CDH10: variants seen among roughly 807,000 people sequenced by gnomAD.
CDH10 encodes cadherin-10.
CDH10 carries 30 observed loss-of-function variants against 73.1 expected under a neutral mutation model. That is an observed-to-expected ratio of 0.41 (90% CI 0.31 to 0.56). CDH10 has a LOEUF of 0.56. Among genes scored for constraint, CDH10 ranks in the 20% least tolerant of loss-of-function variants. The probability of loss-of-function intolerance (pLI) is 0.27; values close to 1 mark genes in which losing one functional copy is unlikely to be tolerated. For missense variants in CDH10, 815 were observed against 973.7 expected (o/e 0.84, Z 2.17); for synonymous variants, 345 against 348.2 (o/e 0.99, Z 0.10).
Position 24,505,243 on chromosome 5 carries a change from G to T in CDH10, c.1262C>A (p.Ser421Tyr). ...PDSISSPIRF[S>Y]LDRHTDLDRI... ...GTCAAGGTCAGTATGGCGATCCAAG[G>T]AAAATCTGAACATGGAGGGCAAGAA... Residue 421 changes from serine (S) to tyrosine (Y), a missense_variant, in exon 8 of 12, where the codon TCC becomes TAC. Ser to Tyr is a moderately radical substitution (Grantham distance 144). Transcript: ENST00000264463. 1 of 1,612,606 alleles carries T rather than the reference G, an allele frequency of 6.2e-7. No homozygotes were observed. Among genetic ancestry groups the T allele is most frequent in the Non-Finnish European group, 8.5e-7 (1 of 1,179,204 alleles).
chr5:24,542,716 G>C (rs1476397409), intron 2 of CDH10, among the ~76,000 whole-genome samples: 6 of 152,188 alleles, frequency 3.9e-5, no homozygotes, highest in Non-Finnish European at 8.8e-5. Flanking sequence ...GGAAGTCCAA[G>C]ACCAAGGTGC....
chr5:24,627,346 A>G (rs1362078330), intron 1 of CDH10, among the ~76,000 whole-genome samples: 1 of 152,154 alleles, frequency 6.6e-6, no homozygotes, highest in Non-Finnish European at 1.5e-5. Context: ...AAATGCTTAA[A>G]TCCTACTTAA....
intron 2 of CDH10, among the ~76,000 whole-genome samples, chr5:24,547,709 T>C (rs2111937106): frequency 6.6e-6 from 1 of 152,078 alleles, no homozygotes; most frequent in African/African-American, 2.4e-5. Context: ...AGTAAAGAGG[T>C]GAAAGTTGGA....
intron 1 of CDH10, among the ~76,000 whole-genome samples, chr5:24,637,003 T>C (rs1366825713): frequency 6.6e-6 from 1 of 152,038 alleles, no homozygotes; most frequent in Non-Finnish European, 1.5e-5. Context: ...TTTTCTTTAA[T>C]GATATGGTAT....
intron 1 of CDH10, among the ~76,000 whole-genome samples, chr5:24,616,330 C>T (rs957478150): frequency 6.6e-6 from 1 of 151,906 alleles, no homozygotes; most frequent in Non-Finnish European, 1.5e-5. Context: ...TTTTCCGCAA[C>T]GAATTTGGAT....
rs528400877 is a variant in CDH10 at position 24,575,669 on chromosome 5, G to A, written c.231+17591C>T. ...AATAAATATAAATGAACAAACATAC[G>A]TTCACTTAAATGTAAGGAGTGCCTG... On this transcript the variant is annotated intron_variant, in intron 2 of 11. Transcript: ENST00000264463. Among the ~76,000 whole-genome samples the A allele has an allele frequency of 4.5e-4, 69 of 152,088 alleles. No homozygotes were observed. In the South Asian group the frequency reaches 8.9e-3, roughly 20 times the overall value.
At chr5:24,571,348 A>G (rs977680705) in intron 2 of CDH10, among the ~76,000 whole-genome samples, 3 of 152,150 alleles carry the variant, frequency 2.0e-5, no homozygotes, top group Admixed American at 6.5e-5. Context: ...GACAACTTCA[A>G]TTAAGCTAAG....
At chr5:24,538,191 T>C (rs945962924) in intron 2 of CDH10, among the ~76,000 whole-genome samples, 1 of 152,098 alleles carries the variant, frequency 6.6e-6, no homozygotes, top group Non-Finnish European at 1.5e-5. Flanking sequence ...ACAACATACA[T>C]TATTTTTTGG....
rs1333805864 is a variant in CDH10, at chr5:24,487,443, T to C, written c.*220A>G. 8.3e-6 allele frequency: 4 copies of C among 480,742 alleles called. No homozygotes were observed. The highest frequency in any genetic ancestry group is 1.1e-5 in the Non-Finnish European group (3 of 269,530). 29.8% of individuals were successfully genotyped at this position (480,742 alleles called of 1,614,324 possible). ...TAAGATGGACAACACTGTATTTCCA[T>C]AGCTTTGGCTCTTGGAAGTGATTAA... is the stretch of plus-strand genomic sequence containing the variant. On this transcript the variant is annotated 3_prime_UTR_variant, in exon 12 of 12. Transcript: ENST00000264463.
rs70965605 is a variant in CDH10, at chr5:24,504,506, C to CTTTTT, written c.1393+601_1393+605dup. Among the ~76,000 whole-genome samples, 14 of 65,154 alleles carry CTTTTT rather than the reference C, an allele frequency of 2.1e-4. 2 individuals are homozygous for CTTTTT. The highest frequency in any genetic ancestry group is 5.4e-4 in the East Asian group (1 of 1,838). The allele number at this position is 65,154 out of a possible 152,430, so 42.7% of individuals were successfully genotyped here. Reference sequence around the variant, plus strand: ...TATTAAATGCTTTTCTCCTATTAATCTTTTTTTTTTTTTTTTTTTTTTTTT... The same window carrying CTTTTT: ...TATTAAATGCTTTTCTCCTATTAATCTTTTTTTTTTTTTTTTTTTTTTTTTTTTTT... On this transcript the variant is annotated intron_variant, in intron 8 of 11. Transcript: ENST00000264463.
intron 5 of CDH10, among the ~76,000 whole-genome samples, chr5:24,513,000 TTTCTTTTC>T (rs951261893): frequency 2.9e-4 from 12 of 41,022 alleles, no homozygotes; most frequent in Admixed American, 5.7e-4. Context: ...CTCTCTTTCT[TTTCTTTTC>T]TTTTCTTTCT....
chr5:24,580,297 C>T (rs10942058), intron 2 of CDH10, among the ~76,000 whole-genome samples: 57,651 of 151,804 alleles, frequency 0.38, 13,314 homozygotes, highest in East Asian at 0.54. Flanking sequence ...CAAGATATTT[C>T]CCTGTTAAAT....
intron 2 of CDH10, among the ~76,000 whole-genome samples, chr5:24,545,956 A>G (rs1047825947): frequency 3.9e-5 from 6 of 152,174 alleles, no homozygotes; most frequent in East Asian, 1.9e-4. Flanking sequence ...CTGTGCCTCT[A>G]AGCCTTCTAA....
intron 1 of CDH10, among the ~76,000 whole-genome samples, chr5:24,636,571 G>A (rs1325476315): frequency 4.6e-5 from 7 of 151,936 alleles, no homozygotes; most frequent in African/African-American, 1.4e-4. Flanking sequence ...TTAGGAATAA[G>A]GAAGCTCCTG....
chr5:24,512,650 AT>A (rs1742962203), intron 5 of CDH10, among the ~76,000 whole-genome samples: 1 of 152,112 alleles, frequency 6.6e-6, no homozygotes, highest in Non-Finnish European at 1.5e-5. Flanking sequence ...ACAAAAATTT[AT>A]GTTTTTGGTG....
At chr5:24,541,652 T>A (rs1419588273) in intron 2 of CDH10, among the ~76,000 whole-genome samples, 1 of 152,122 alleles carries the variant, frequency 6.6e-6, no homozygotes, top group East Asian at 1.9e-4. Flanking sequence ...GACATTAAGT[T>A]TTCTTTAAAC....
chr5:24,501,427 G>A (rs1200761505), intron 8 of CDH10, among the ~76,000 whole-genome samples: 4 of 152,108 alleles, frequency 2.6e-5, no homozygotes, highest in African/African-American at 4.8e-5. Flanking sequence ...AGATGCTGTC[G>A]CTTATGTATA....
intron 2 of CDH10, among the ~76,000 whole-genome samples, chr5:24,541,165 T>C (rs1485224679): frequency 1.3e-5 from 2 of 152,000 alleles, no homozygotes; most frequent in African/African-American, 2.4e-5. Context: ...AGGAACTAAG[T>C]AATAACAGGT....
At chr5:24,605,976 A>G (rs749637290) in intron 1 of CDH10, among the ~76,000 whole-genome samples, 2 of 152,322 alleles carry the variant, frequency 1.3e-5, no homozygotes, top group Admixed American at 6.5e-5. Context: ...CCTCAAAATC[A>G]TATACAATGT....
Sources: gnomAD v4.1 joint callset for allele counts (sites outside exome capture counted in the v4.1 genomes callset) on GRCh38, gnomAD v4.1.1 for gene constraint, MANE v1.5 for transcripts, NCBI Gene and HGNC (gene_info 2026-07-23, HGNC 2026-07-21) for gene names.